ATP6V1C2: variants seen among roughly 807,000 people sequenced by gnomAD.
The protein encoded by ATP6V1C2 is V-type proton ATPase subunit C 2.
ATP6V1C2 carries 45 observed loss-of-function variants against 56.8 expected under a neutral mutation model. The ratio of observed to expected loss-of-function variants is 0.79; its 90% CI spans 0.62 to 1.02. The LOEUF is 1.02. ATP6V1C2 is among the 50% of genes least tolerant of loss of function. ATP6V1C2 has a pLI of 0.00. For missense variants in ATP6V1C2, 463 were observed against 519.7 expected, an observed-to-expected ratio of 0.89 and a Z score of 1.06; for synonymous variants, 220 against 201.3, an observed-to-expected ratio of 1.09 and a Z score of -0.79.
At chr2:10,766,092 A>G (rs1277006705) in intron 5 of ATP6V1C2, among the ~76,000 whole-genome samples, 3 of 152,150 alleles carry the variant, frequency 2.0e-5, no homozygotes, top group Non-Finnish European at 4.4e-5. Flanking sequence ...CGGTTGGAGT[A>G]TTATGCCGGG....
chr2:10,770,648 C>G (rs2148495188), intron 6 of ATP6V1C2, among the ~76,000 whole-genome samples: 1 of 152,368 alleles, frequency 6.6e-6, no homozygotes, highest in South Asian at 2.1e-4. Context: ...TCTGGTCTAG[C>G]CTCTTCGCTC....
At chr2:10,741,565 G>A (rs1306157967) in intron 3 of ATP6V1C2, among the ~76,000 whole-genome samples, 1 of 152,146 alleles carries the variant, frequency 6.6e-6, no homozygotes, top group Non-Finnish European at 1.5e-5. Context: ...CCGGGCACTG[G>A]CGGGCCTGGG....
At chr2:10,728,381 G>A (rs1661761207) in intron 3 of ATP6V1C2, among the ~76,000 whole-genome samples, 2 of 152,144 alleles carry the variant, frequency 1.3e-5, no homozygotes, top group Non-Finnish European at 2.9e-5. Flanking sequence ...ACCACATTCA[G>A]CCTTAAAATT....
At chr2:10,731,149 ATAT>A (rs1661929260) in intron 3 of ATP6V1C2, among the ~76,000 whole-genome samples, 10 of 151,830 alleles carry the variant, frequency 6.6e-5, no homozygotes, top group Non-Finnish European at 1.5e-4. Context: ...AGGTCTTACT[ATAT>A]CTCCCAGGCT....
In ATP6V1C2 at chr2:10,784,471, C is replaced by T. The variant is rs552175852; in HGVS notation, c.*1208C>T. On this transcript the variant is annotated 3_prime_UTR_variant, in exon 14 of 14. Coordinates refer to ENST00000272238, the MANE Select transcript of ATP6V1C2 (RefSeq NM_001039362.2). Reference sequence around the variant, plus strand: ...TCAGTCTGACTCCTACCCTGACCTTCGTACCTATGATTATACGGATGGAAA... The same window carrying T: ...TCAGTCTGACTCCTACCCTGACCTTTGTACCTATGATTATACGGATGGAAA... 2.0e-5 allele frequency: 12 copies of T among 590,866 alleles called. No homozygotes were observed. The highest frequency in any genetic ancestry group is 2.0e-4 in the East Asian group (7 of 35,042). The allele number at this position is 590,866 out of a possible 1,614,324, so 36.6% of individuals were successfully genotyped here. A position where few individuals can be genotyped will look rare whatever the true frequency, so the allele number is the denominator to read the frequency against.
rs1013464956 is a variant in ATP6V1C2, at chr2:10,763,548, G to A, written c.284-783G>A. On this transcript the variant is annotated intron_variant, in intron 4 of 13. Coordinates refer to ENST00000272238, the MANE Select transcript of ATP6V1C2 (RefSeq NM_001039362.2). This position sits in a 1 kb window ranked among gnomAD's most constrained non-coding sequence, Gnocchi z 4.2. ...ATAGACCAGGAAGTGTAGGTGCACAGGGAGCCTAGGCTGGGACATCCGCCA... is the reference window on the plus strand; with the variant it reads ...ATAGACCAGGAAGTGTAGGTGCACAAGGAGCCTAGGCTGGGACATCCGCCA... 6.6e-6 allele frequency among the ~76,000 whole-genome samples: 1 copy of A among 152,180 alleles called. No homozygotes were observed. Among genetic ancestry groups the A allele is most frequent in the African/African-American group, 2.4e-5 (1 of 41,444 alleles).
chr2:10,775,014 A>G lies in ATP6V1C2; in HGVS notation c.768A>G (p.Glu256=). Residue 256 remains glutamate (E), a synonymous_variant, in exon 10 of 14, where the codon GAA becomes GAG. Transcript: ENST00000272238. ...GTGAATTTTACTATGATGAGAAGGA[A>G]ATTGAAAGGGAAAGGGAGGAGATGG... ...TVREFYYDEK[E]IEREREEMAR... 6.2e-7 allele frequency: 1 copy of G among 1,614,110 alleles called. No individual in the cohort carries two copies. Among genetic ancestry groups the G allele is most frequent in the East Asian group, 2.2e-5 (1 of 44,868 alleles).
rs1665613254 is a variant in ATP6V1C2 at position 10,784,564 on chromosome 2, A to AAC, written c.*1302_*1303dup. On this transcript the variant is annotated 3_prime_UTR_variant, in exon 14 of 14. Coordinates refer to ENST00000272238, the MANE Select transcript of ATP6V1C2 (RefSeq NM_001039362.2). ...CCATTTTAACACTGGAAGCCACTTG[A>AAC]ACGTGTCCTTTTGAGGAGGGTGGGA... 5.7e-6 allele frequency: 3 copies of AAC among 527,556 alleles called. No homozygotes were observed. In the Admixed American group the frequency reaches 1.1e-4, roughly 19 times the overall value. 32.7% of individuals were successfully genotyped at this position (527,556 alleles called of 1,614,324 possible). A position where few individuals can be genotyped will look rare whatever the true frequency, so the allele number is the denominator to read the frequency against.
intron 10 of ATP6V1C2, among the ~76,000 whole-genome samples, 176 bp downstream of exon 10, chr2:10,775,247 G>A (rs942403299): frequency 2.6e-5 from 4 of 152,194 alleles, no homozygotes; most frequent in South Asian, 2.1e-4. Flanking sequence ...GGGGAGGGGC[G>A]GTGAGCACAA....
chr2:10,736,140 G>A (rs1662230765), intron 3 of ATP6V1C2, among the ~76,000 whole-genome samples: 1 of 151,650 alleles, frequency 6.6e-6, no homozygotes, highest in African/African-American at 2.4e-5. Flanking sequence ...GGTCTGAGTT[G>A]GGGCCTGAGA....
At position 10,754,290 on chromosome 2, in the gene ATP6V1C2, A is replaced by G. The variant is rs182936901; in HGVS notation, c.283+224A>G. Among the ~76,000 whole-genome samples the G allele has an allele frequency of 3.3e-5, 5 of 152,218 alleles. No individual in the cohort carries two copies. The East Asian group carries it at 9.7e-4, about 29-fold the overall frequency. On this transcript the variant is annotated intron_variant, in intron 4 of 13. Coordinates refer to ENST00000272238, the MANE Select transcript of ATP6V1C2 (RefSeq NM_001039362.2). ...GTTGCCCACGCTGGAGTGTGGTGCA[A>G]TCTTGGCTCACTGCAACCTCCGCCG...
chr2:10,765,661 C>T (rs948642161), intron 5 of ATP6V1C2, among the ~76,000 whole-genome samples: 1 of 152,238 alleles, frequency 6.6e-6, no homozygotes, highest in Admixed American at 6.5e-5. Context: ...TTCTGGAAGG[C>T]CCTTCAAGGA....
rs189483074 is a variant in ATP6V1C2, at chr2:10,765,057, G to A, written c.378+632G>A. Among the ~76,000 whole-genome samples the A allele has an allele frequency of 1.7e-3, 258 of 152,224 alleles. 1 individual carries two copies. Among genetic ancestry groups the A allele is most frequent in the African/African-American group, 5.7e-3 (235 of 41,528 alleles). On this transcript the variant is annotated intron_variant, in intron 5 of 13. Coordinates refer to ENST00000272238, the MANE Select transcript of ATP6V1C2 (RefSeq NM_001039362.2). ...GAACCTGACACCTCTAGCCCCCAGG[G>A]GATTGTTCACCTGCAAAGCTATTTG...
At chr2:10,770,447 G>A (rs182699535) in intron 6 of ATP6V1C2, among the ~76,000 whole-genome samples, 176 of 152,346 alleles carry the variant, frequency 1.2e-3, no homozygotes, top group African/African-American at 4.0e-3. Context: ...TGGATGCCTG[G>A]CTTTATGTCA....
chr2:10,738,650 C>T (rs529245713), intron 3 of ATP6V1C2, among the ~76,000 whole-genome samples: 2 of 152,296 alleles, frequency 1.3e-5, no homozygotes, highest in East Asian at 3.9e-4. Context: ...CTTATTTTCA[C>T]GAGCTTCAGG....
rs545294359 is a variant in ATP6V1C2, at chr2:10,782,468, G to A, written c.1194+93G>A. On this transcript the variant is annotated intron_variant, in intron 13 of 13. Transcript: ENST00000272238. ...TGCCTGTAATCCCAACACTTTGGGA[G>A]GTAGGTGGATCACTTGAGGTCAAGG... 2.9e-6 allele frequency: 4 copies of A among 1,403,374 alleles called. No individual in the cohort carries two copies. The East Asian group carries it at 9.4e-5, about 33-fold the overall frequency. 86.9% of individuals were successfully genotyped at this position (1,403,374 alleles called of 1,614,324 possible).
intron 1 of ATP6V1C2, among the ~76,000 whole-genome samples, 161 bp downstream of exon 1, chr2:10,721,892 G>T (rs1661383270): frequency 6.6e-6 from 1 of 152,228 alleles, no homozygotes; most frequent in South Asian, 2.1e-4. Flanking sequence ...CTCCGCAGGT[G>T]CTGCGGCGGG....
chr2:10,753,446 G>A (rs959451846), intron 3 of ATP6V1C2, among the ~76,000 whole-genome samples: 1 of 151,884 alleles, frequency 6.6e-6, no homozygotes, highest in African/African-American at 2.4e-5. Flanking sequence ...GAAGAACATC[G>A]TTTTATTCAG....
rs1349464655 is a variant in ATP6V1C2, at chr2:10,772,531, T to G, written c.570-11T>G. 6.2e-7 allele frequency: 1 copy of G among 1,612,266 alleles called. No homozygotes were observed. Among genetic ancestry groups the G allele is most frequent in the African/African-American group, 1.3e-5 (1 of 75,020 alleles). ...TGCAAAAAATCACGTAACGATTCTA[T>G]GTTCTTGCAGACCAAACTACTCACA... On this transcript the variant is annotated splice_polypyrimidine_tract_variant and intron_variant, in intron 7 of 13. Coordinates refer to ENST00000272238, the MANE Select transcript of ATP6V1C2 (RefSeq NM_001039362.2).
Sources: gnomAD v4.1 joint callset for allele counts (sites outside exome capture counted in the v4.1 genomes callset) on GRCh38, gnomAD v4.1.1 for gene constraint, Gnocchi (gnomAD v3.1) non-coding constraint, MANE v1.5 for transcripts, NCBI Gene and HGNC (gene_info 2026-07-23, HGNC 2026-07-21) for gene names.